The following FBXL13 variants were observed in gnomAD, a reference collection of about 807,000 sequenced individuals.
FBXL13 encodes F-box and leucine-rich repeat protein 13.
Under a neutral mutation model 83.6 loss-of-function variants are expected in FBXL13, and 67 were observed. That is an observed-to-expected ratio of 0.80 (90% confidence interval 0.66 to 0.98). FBXL13 has a LOEUF of 0.98. Ranked by LOEUF, FBXL13 falls within the 50% of genes least tolerant of loss-of-function variation. FBXL13 has a pLI of 0.00. For synonymous variants in FBXL13, 272 were observed against 299.5 expected, an observed-to-expected ratio of 0.91 and a Z score of 0.95; for missense variants, 822 against 866.5, an observed-to-expected ratio of 0.95 and a Z score of 0.64.
Position 103,029,330 on chromosome 7 carries a change from T to C in FBXL13, c.68+21A>G, listed in dbSNP as rs368378493. 4.1e-6 allele frequency: 6 copies of C among 1,464,256 alleles called. No homozygotes were observed. In the African/African-American group the frequency reaches 4.3e-5, roughly 11 times the overall value. The allele number at this position is 1,464,256 out of a possible 1,614,324, so 90.7% of individuals were successfully genotyped here. On this transcript the variant is annotated intron_variant, in intron 3 of 19. Coordinates refer to ENST00000313221, the Ensembl canonical transcript of FBXL13. ...GAATAAAAACTCAAAGAGGAAGAAATTGTAAAAATCACATTCTTACCAAAA... is the reference window on the plus strand; with the variant it reads ...GAATAAAAACTCAAAGAGGAAGAAACTGTAAAAATCACATTCTTACCAAAA...
chr7:103,063,846 T>G (rs1433210109), intron 1 of FBXL13, among the ~76,000 whole-genome samples: 4 of 150,748 alleles, frequency 2.7e-5, no homozygotes, highest in Non-Finnish European at 5.9e-5. Flanking sequence ...TGAGCCATCA[T>G]GTGGGGCCTA....
intron 11 of FBXL13, among the ~76,000 whole-genome samples, chr7:102,898,044 C>T (rs1317844340): frequency 1.3e-5 from 2 of 152,146 alleles, no homozygotes; most frequent in African/African-American, 4.8e-5. Context: ...CCTGCAGAAA[C>T]CACATCTCTA....
At chr7:102,868,226 C>A (rs1261620242) in intron 16 of FBXL13, among the ~76,000 whole-genome samples, 1 of 152,040 alleles carries the variant, frequency 6.6e-6, no homozygotes, top group Non-Finnish European at 1.5e-5. Context: ...CTATAGTCAC[C>A]CTGCTGTGCA....
chr7:102,964,184 G>T (rs145140376), intron 7 of FBXL13, among the ~76,000 whole-genome samples: 1 of 151,718 alleles, frequency 6.6e-6, no homozygotes, highest in African/African-American at 2.4e-5. Flanking sequence ...GGTGACACAC[G>T]CCTGTAGACC....
intron 16 of FBXL13, among the ~76,000 whole-genome samples, chr7:102,864,065 C>T (rs998817550): frequency 6.6e-6 from 1 of 152,200 alleles, no homozygotes; most frequent in African/African-American, 2.4e-5. Flanking sequence ...ACAAATCTGT[C>T]CTGCTCTCCT....
rs1202141575 is a variant in FBXL13 at position 102,849,000 on chromosome 7, C to CA, written c.1719+5776dup. Among the ~76,000 whole-genome samples the CA allele has an allele frequency of 1.0e-4, 15 of 150,738 alleles. No homozygotes were observed. The South Asian group carries it at 1.7e-3, about 17-fold the overall frequency. ...GGGCAACAAGAGCGAAACTCCATCT[C>CA]AAAAAAAAACAACCAGAGTAAATAA... On this transcript the variant is annotated intron_variant, in intron 17 of 19. Coordinates refer to ENST00000313221, the Ensembl canonical transcript of FBXL13.
chr7:103,003,827 T>G (rs1328433469), intron 6 of FBXL13, among the ~76,000 whole-genome samples: 5 of 152,202 alleles, frequency 3.3e-5, no homozygotes, highest in African/African-American at 1.2e-4. Context: ...TCCACCCGCC[T>G]TGACCTCCTA....
intron 6 of FBXL13, among the ~76,000 whole-genome samples, chr7:103,005,802 AG>A (rs1314008246): frequency 6.6e-6 from 1 of 152,140 alleles, no homozygotes; most frequent in Non-Finnish European, 1.5e-5. Flanking sequence ...GTGAATTTTG[AG>A]GGGACACAAC....
chr7:102,981,138 G>A (rs1828159648), intron 6 of FBXL13, among the ~76,000 whole-genome samples: 1 of 152,150 alleles, frequency 6.6e-6, no homozygotes, highest in Non-Finnish European at 1.5e-5. Context: ...AGGAACTATT[G>A]TAATTAGTCC....
At chr7:102,998,226 T>C (rs1790018629) in intron 6 of FBXL13, among the ~76,000 whole-genome samples, 1 of 152,240 alleles carries the variant, frequency 6.6e-6, no homozygotes, top group South Asian at 2.1e-4. Flanking sequence ...TTTTGCCTAT[T>C]TCAAAATCAA....
chr7:103,006,977 A>G (rs929240234), intron 6 of FBXL13, among the ~76,000 whole-genome samples: 2 of 152,184 alleles, frequency 1.3e-5, no homozygotes, highest in African/African-American at 4.8e-5. Context: ...ATAGCAAATC[A>G]GACACTTGCA....
intron 6 of FBXL13, among the ~76,000 whole-genome samples, chr7:103,003,287 T>C (rs1418531574): frequency 1.9e-4 from 24 of 124,450 alleles, no homozygotes; most frequent in African/African-American, 6.7e-4. Context: ...GGTTTTTTTT[T>C]TTTTTTTTTT....
At chr7:102,864,400 C>T (rs1390559820) in intron 16 of FBXL13, among the ~76,000 whole-genome samples, 1 of 152,006 alleles carries the variant, frequency 6.6e-6, no homozygotes, top group Non-Finnish European at 1.5e-5. Context: ...TGGAGTCTTC[C>T]TCTTGTCGCC....
chr7:102,869,793 G>A (rs747816221), intron 16 of FBXL13, among the ~76,000 whole-genome samples: 10 of 152,104 alleles, frequency 6.6e-5, no homozygotes, highest in East Asian at 1.9e-4. Flanking sequence ...CTATAAATGT[G>A]TGGGCTTATT....
At chr7:102,827,052 C>T (rs1214425396) in intron 18 of FBXL13, 1 of 417,296 alleles carries the variant, frequency 2.4e-6, no homozygotes, top group Non-Finnish European at 5.1e-6. Flanking sequence ...TTCCTCACCT[C>T]TTGAATCTAA....
chr7:103,025,093 A>C (rs1793752788), exon 6 of FBXL13: 1 of 1,611,450 alleles, frequency 6.2e-7, no homozygotes, highest in South Asian at 1.1e-5. Flanking sequence ...GTAACAGTGA[A>C]ATGTCACATT....
rs549002660 is a variant in FBXL13, at chr7:102,964,320, AT to A, written c.592-656del. 3.3e-3 allele frequency among the ~76,000 whole-genome samples: 505 copies of A among 151,284 alleles called. 4 individuals carry two copies. Among genetic ancestry groups the A allele is most frequent in the African/African-American group, 0.012 (498 of 41,260 alleles). On this transcript the variant is annotated intron_variant, in intron 7 of 19. Transcript: ENST00000313221. Reference sequence around the variant, plus strand: ...AGCAAAACTCCAACTCAAAAAAAAAATAAATAAATAGATAGAGCTAAGGAAA... The same window carrying A: ...AGCAAAACTCCAACTCAAAAAAAAAAAAATAAATAGATAGAGCTAAGGAAA...
At chr7:102,937,273 G>A (rs1383373947) in intron 8 of FBXL13, among the ~76,000 whole-genome samples, 1 of 151,854 alleles carries the variant, frequency 6.6e-6, no homozygotes, top group Non-Finnish European at 1.5e-5. Flanking sequence ...GCCGAGGCAG[G>A]TGGGACACTT....
At chr7:102,917,537 C>T (rs1006137805) in intron 10 of FBXL13, among the ~76,000 whole-genome samples, 1 of 152,100 alleles carries the variant, frequency 6.6e-6, no homozygotes, top group African/African-American at 2.4e-5. Context: ...GGTGTGAAGG[C>T]TGTAGATTAG....
Sources: gnomAD v4.1 joint callset for allele counts (sites outside exome capture counted in the v4.1 genomes callset) on GRCh38, gnomAD v4.1.1 for gene constraint, MANE v1.5 for transcripts, NCBI Gene and HGNC (gene_info 2026-07-23, HGNC 2026-07-21) for gene names.